Variants in PACS1 observed in about 807,000 individuals in gnomAD.
PACS1 encodes PACS-1.
A neutral mutation model predicts 115.0 loss-of-function variants in PACS1; 24 were observed. The observed-to-expected ratio is 0.21, with a 90% CI of 0.15 to 0.29. The LOEUF (loss-of-function observed/expected upper bound fraction) is 0.29, where lower values mean the gene tolerates loss of function less well. PACS1 is among the 10% of genes least tolerant of loss of function. The pLI, the probability that PACS1 is intolerant of heterozygous loss-of-function variation, is 1.00. For synonymous variants in PACS1, 453 were observed against 504.5 expected, an observed-to-expected ratio of 0.90 and a Z score of 1.37; for missense variants, 838 against 1,251.2, an observed-to-expected ratio of 0.67 and a Z score of 4.98.
intron 7 of PACS1, chr11:66,217,854 A>C (rs78171479): frequency 0.055 from 15,703 of 285,302 alleles, 529 homozygotes; most frequent in Non-Finnish European, 0.066. Flanking sequence ...CCTGCTCTGT[A>C]ACCAGAAAGC....
intron 1 of PACS1, among the ~76,000 whole-genome samples, chr11:66,115,484 C>T (rs1858285210): frequency 6.6e-6 from 1 of 152,190 alleles, no homozygotes; most frequent in Admixed American, 6.5e-5. Flanking sequence ...TTTCCATCTC[C>T]TTGCCCTGTA....
chr11:66,239,955 A>C (rs1855778406), intron 21 of PACS1, among the ~76,000 whole-genome samples: 1 of 152,240 alleles, frequency 6.6e-6, no homozygotes. Context: ...CAGGAGTTCA[A>C]AGCTAGGCCT....
rs1855042546 is a variant in PACS1 at position 66,210,343 on chromosome 11, C to T, written c.445-19C>T. The T allele has an allele frequency of 6.2e-7, 1 of 1,606,704 alleles. No homozygotes were observed. Among genetic ancestry groups the T allele is most frequent in the Admixed American group, 1.7e-5 (1 of 59,986 alleles). On this transcript the variant is annotated intron_variant, in intron 2 of 23. Coordinates refer to ENST00000320580, the MANE Select transcript of PACS1 (RefSeq NM_018026.4). ...AAGCCACTGCACCTGGCCAAACAGA[C>T]TTTTCTTCTTGGTTTCAGGGTTCAA...
At chr11:66,091,201 GT>G (rs1312164563) in intron 1 of PACS1, among the ~76,000 whole-genome samples, 1 of 152,080 alleles carries the variant, frequency 6.6e-6, no homozygotes, top group East Asian at 1.9e-4. Context: ...GAGTGCAGTA[GT>G]GGATCTCAGA....
chr11:66,181,612 A>G (rs994107500), intron 1 of PACS1, among the ~76,000 whole-genome samples: 2 of 152,206 alleles, frequency 1.3e-5, no homozygotes, highest in African/African-American at 4.8e-5. Flanking sequence ...TTTTGAGCTT[A>G]TTAATGTGAT....
At chr11:66,149,613 T>C (rs801741) in intron 1 of PACS1, among the ~76,000 whole-genome samples, 61,473 of 151,920 alleles carry the variant, frequency 0.4, 13,375 homozygotes, top group Non-Finnish European at 0.48. Flanking sequence ...TATTTGAAAT[T>C]GTGAGATGAA....
chr11:66,240,241 A>G (rs1427286220), intron 21 of PACS1, among the ~76,000 whole-genome samples: 1 of 152,162 alleles, frequency 6.6e-6, no homozygotes, highest in African/African-American at 2.4e-5. Flanking sequence ...GTGATATAGC[A>G]GGAGGCCGTG....
chr11:66,124,364 C>T (rs751357463), intron 1 of PACS1, among the ~76,000 whole-genome samples: 2 of 152,170 alleles, frequency 1.3e-5, no homozygotes, highest in African/African-American at 2.4e-5. Context: ...TTCTCTGCTT[C>T]AGTGTCTTCA....
chr11:66,222,256 G>A (rs777013251), intron 10 of PACS1, among the ~76,000 whole-genome samples: 3 of 152,170 alleles, frequency 2.0e-5, no homozygotes, highest in Admixed American at 6.5e-5. Context: ...CCACTGAGAC[G>A]TGCTCAGGAG....
At chr11:66,102,241 C>A (rs568700037) in intron 1 of PACS1, among the ~76,000 whole-genome samples, 1 of 152,126 alleles carries the variant, frequency 6.6e-6, no homozygotes, top group Non-Finnish European at 1.5e-5. Flanking sequence ...AAAAGGGATG[C>A]AGAATGAACA....
At chr11:66,155,784 G>A (rs1859336611) in intron 1 of PACS1, among the ~76,000 whole-genome samples, 1 of 152,130 alleles carries the variant, frequency 6.6e-6, no homozygotes, top group Non-Finnish European at 1.5e-5. Flanking sequence ...AGTGTTTGTA[G>A]CAGCGTATTC....
chr11:66,124,497 G>T (rs920886858), intron 1 of PACS1, among the ~76,000 whole-genome samples: 1 of 152,156 alleles, frequency 6.6e-6, no homozygotes, highest in Non-Finnish European at 1.5e-5. Context: ...GTTCATTCAG[G>T]ATAACTTCTG....
intron 1 of PACS1, among the ~76,000 whole-genome samples, chr11:66,146,619 G>GA (rs1191748517): frequency 2.6e-5 from 4 of 151,752 alleles, no homozygotes; most frequent in South Asian, 4.2e-4. Context: ...AGAAAGGGCA[G>GA]AAAAAAAATG....
chr11:66,153,267 A>T (rs1237544194), intron 1 of PACS1, among the ~76,000 whole-genome samples: 1 of 152,182 alleles, frequency 6.6e-6, no homozygotes, highest in Non-Finnish European at 1.5e-5. Flanking sequence ...AGTAGCAGAG[A>T]CTACAGGCAT....
chr11:66,079,512 T>A (rs1380744921), intron 1 of PACS1, among the ~76,000 whole-genome samples: 2 of 152,102 alleles, frequency 1.3e-5, no homozygotes, highest in Non-Finnish European at 2.9e-5. Flanking sequence ...TTATGGTACC[T>A]CTCAAACACA....
In PACS1 at chr11:66,194,054, C is replaced by G. The variant is rs544734804; in HGVS notation, c.444+481C>G. On this transcript the variant is annotated intron_variant, in intron 2 of 23. Coordinates refer to ENST00000320580, the MANE Select transcript of PACS1 (RefSeq NM_018026.4). Reference sequence around the variant, plus strand: ...TCTCGGCTCACTGCAAGCTCCGCCTCCCGGGTTCACGCCATTCTCCTGCCT... The same window carrying G: ...TCTCGGCTCACTGCAAGCTCCGCCTGCCGGGTTCACGCCATTCTCCTGCCT... Among the ~76,000 whole-genome samples, 7 of 152,336 alleles carry G rather than the reference C, an allele frequency of 4.6e-5. No homozygotes were observed. In the South Asian group the frequency reaches 8.3e-4, roughly 18 times the overall value.
chr11:66,167,091 T>A (rs1198972159), intron 1 of PACS1, among the ~76,000 whole-genome samples: 1 of 150,392 alleles, frequency 6.6e-6, no homozygotes, highest in Non-Finnish European at 1.5e-5. Context: ...TTTGCCAAAT[T>A]TGTGGGTGTA....
intron 10 of PACS1, among the ~76,000 whole-genome samples, chr11:66,221,828 C>T (rs546222513): frequency 1.3e-5 from 2 of 152,162 alleles, no homozygotes; most frequent in East Asian, 3.9e-4. Flanking sequence ...ATACAATCTC[C>T]CCCTCTGCTG....
intron 1 of PACS1, among the ~76,000 whole-genome samples, chr11:66,099,517 C>A (rs1391890805): frequency 6.6e-6 from 1 of 152,060 alleles, no homozygotes; most frequent in East Asian, 1.9e-4. Context: ...AGCCACCGTG[C>A]CCAGCCTATC....
Sources: gnomAD v4.1 joint callset for allele counts (sites outside exome capture counted in the v4.1 genomes callset) on GRCh38, gnomAD v4.1.1 for gene constraint, MANE v1.5 for transcripts, NCBI Gene and HGNC (gene_info 2026-07-23, HGNC 2026-07-21) for gene names.